Variants in PCDH15 observed in about 807,000 individuals in gnomAD.
PCDH15 encodes the protein protocadherin-15.
PCDH15 carries 129 observed loss-of-function variants against 178.5 expected under a neutral mutation model. The ratio of observed to expected loss-of-function variants is 0.72; its 90% confidence interval spans 0.63 to 0.84. PCDH15 has a LOEUF of 0.84. PCDH15 is among the 40% of genes least tolerant of loss of function. PCDH15 has a pLI of 0.00. For missense variants in PCDH15, 2,230 were observed against 2,099.9 expected (o/e 1.06, Z -1.21); for synonymous variants, 800 against 732.0 (o/e 1.09, Z -1.50).
At chr10:53,927,143 A>G (rs557293086) in intron 25 of PCDH15, among the ~76,000 whole-genome samples, 1 of 102,750 alleles carries the variant, frequency 9.7e-6, no homozygotes, top group South Asian at 4.3e-4. Context: ...TTTATATGTA[A>G]ATGCAAGTGT....
At chr10:55,456,511 G>C (rs1321562497) in intron 2 of PCDH15, among the ~76,000 whole-genome samples, 2 of 151,918 alleles carry the variant, frequency 1.3e-5, no homozygotes, top group Non-Finnish European at 2.9e-5. Flanking sequence ...CTGTGTTTGT[G>C]GTATAAAATG....
At chr10:54,066,121 A>AT (rs1282068232) in intron 18 of PCDH15, among the ~76,000 whole-genome samples, 7 of 152,090 alleles carry the variant, frequency 4.6e-5, no homozygotes, top group Non-Finnish European at 7.4e-5. Context: ...TCTTCCTCCA[A>AT]TTTTTTTCTT....
chr10:54,091,780 T>C (rs2094604365), intron 15 of PCDH15, among the ~76,000 whole-genome samples: 1 of 152,222 alleles, frequency 6.6e-6, no homozygotes, highest in South Asian at 2.1e-4. Context: ...TTCCTCATTT[T>C]CCTTTGCTGA....
At chr10:53,858,023 A>T (rs1039291302) in intron 27 of PCDH15, among the ~76,000 whole-genome samples, 4 of 151,084 alleles carry the variant, frequency 2.6e-5, no homozygotes, top group African/African-American at 7.4e-5. Flanking sequence ...AACAAAAAAA[A>T]TAAATTGAGG....
chr10:54,141,055 T>G (rs1173227483), intron 14 of PCDH15, among the ~76,000 whole-genome samples: 1 of 151,418 alleles, frequency 6.6e-6, no homozygotes, highest in Non-Finnish European at 1.5e-5. Flanking sequence ...CATACACATA[T>G]TTATATGTAT....
intron 8 of PCDH15, among the ~76,000 whole-genome samples, chr10:54,295,941 G>C (rs7078808): frequency 6.6e-6 from 1 of 151,066 alleles, no homozygotes; most frequent in African/African-American, 2.4e-5. Flanking sequence ...TCAGGAGATC[G>C]AGACCATCCC....
intron 26 of PCDH15, among the ~76,000 whole-genome samples, chr10:53,892,541 A>C (rs1033419367): frequency 1.3e-5 from 2 of 152,182 alleles, no homozygotes; most frequent in African/African-American, 4.8e-5. Context: ...AGGGGGAAGA[A>C]GAGTAAAACA....
chr10:55,171,217 A>C (rs1839323780), intron 1 of PCDH15, among the ~76,000 whole-genome samples: 2 of 152,238 alleles, frequency 1.3e-5, no homozygotes, highest in African/African-American at 4.8e-5. Context: ...TAAGGTCTGT[A>C]GTCATGTCAA....
At chr10:55,584,750 T>C (rs887520889) in intron 2 of PCDH15, among the ~76,000 whole-genome samples, 9 of 150,806 alleles carry the variant, frequency 6.0e-5, no homozygotes, top group Non-Finnish European at 4.4e-5. Context: ...GACACACATA[T>C]AGATAGATAT....
At position 53,872,927 on chromosome 10, in the gene PCDH15, G is replaced by A. The variant is rs543125307; in HGVS notation, c.3502-6070C>T. On this transcript the variant is annotated intron_variant, in intron 26 of 37. Coordinates refer to ENST00000644397, the MANE Select transcript of PCDH15 (RefSeq NM_001384140.1). ...CAAATCTCAGAGGAGCAGCTGACACGTATCTCTCACTGAAGGTACTTATGC... is the reference window on the plus strand; with the variant it reads ...CAAATCTCAGAGGAGCAGCTGACACATATCTCTCACTGAAGGTACTTATGC... Among the ~76,000 whole-genome samples, 92 of 152,230 alleles carry A rather than the reference G, an allele frequency of 6.0e-4. No homozygotes were observed. In the South Asian group the frequency reaches 6.4e-3, roughly 11 times the overall value.
At chr10:54,524,264 A>G (rs1421265197) in intron 3 of PCDH15, among the ~76,000 whole-genome samples, 1 of 152,308 alleles carries the variant, frequency 6.6e-6, no homozygotes, top group East Asian at 1.9e-4. Context: ...CTTTAAATTC[A>G]TGAAGCTCCT....
rs2076371827 is a variant in PCDH15 at position 53,822,672 on chromosome 10, G to C, written c.4368-2442C>G. The C allele has an allele frequency of 1.9e-6, 3 of 1,613,898 alleles. No homozygotes were observed. Among genetic ancestry groups the C allele is most frequent in the South Asian group, 2.2e-5 (2 of 91,082 alleles). Reference sequence around the variant, plus strand: ...AGGAGAACTGATGACATTAGGTTCTGATTTGAGTTCCACAGTTCTTGAAAC... The same window carrying C: ...AGGAGAACTGATGACATTAGGTTCTCATTTGAGTTCCACAGTTCTTGAAAC... On this transcript the variant is annotated intron_variant, in intron 32 of 37. Coordinates refer to ENST00000644397, the MANE Select transcript of PCDH15 (RefSeq NM_001384140.1).
intron 3 of PCDH15, among the ~76,000 whole-genome samples, chr10:54,490,985 C>G (rs1350288314): frequency 6.6e-6 from 1 of 152,120 alleles, no homozygotes; most frequent in Non-Finnish European, 1.5e-5. Flanking sequence ...TTAGCCCACC[C>G]TGGCCAGGGA....
At chr10:53,881,471 T>C (rs1327567642) in intron 26 of PCDH15, among the ~76,000 whole-genome samples, 5 of 152,154 alleles carry the variant, frequency 3.3e-5, no homozygotes, top group Non-Finnish European at 7.4e-5. Flanking sequence ...AAAATAATCA[T>C]TGATAAAATT....
chr10:55,175,313 T>C (rs1270548525), intron 1 of PCDH15, among the ~76,000 whole-genome samples: 1 of 152,178 alleles, frequency 6.6e-6, no homozygotes, highest in Non-Finnish European at 1.5e-5. Context: ...AGCATGCCAC[T>C]CTACCTCCTG....
intron 2 of PCDH15, among the ~76,000 whole-genome samples, chr10:55,080,560 A>G (rs1842013921): frequency 6.6e-6 from 1 of 152,028 alleles, no homozygotes; most frequent in East Asian, 1.9e-4. Context: ...AGTCCTGGGT[A>G]GTACATTATT....
At chr10:54,504,860 A>C (rs913302923) in intron 3 of PCDH15, among the ~76,000 whole-genome samples, 4 of 152,134 alleles carry the variant, frequency 2.6e-5, no homozygotes, top group Admixed American at 1.3e-4. Flanking sequence ...TGGATTGAGA[A>C]TATATCTAGA....
chr10:55,609,303 C>A (rs1843307662), intron 2 of PCDH15, among the ~76,000 whole-genome samples: 2 of 152,232 alleles, frequency 1.3e-5, no homozygotes, highest in East Asian at 3.9e-4. Flanking sequence ...AATTCAGAGG[C>A]AGCTCCAGCA....
chr10:53,994,193 T>C (rs572357404), intron 21 of PCDH15, among the ~76,000 whole-genome samples: 2 of 152,366 alleles, frequency 1.3e-5, no homozygotes, highest in South Asian at 2.1e-4. Flanking sequence ...CAGTCATTAC[T>C]ACCAAAGGGG....
Sources: gnomAD v4.1 joint callset for allele counts (sites outside exome capture counted in the v4.1 genomes callset) on GRCh38, gnomAD v4.1.1 for gene constraint, MANE v1.5 for transcripts, NCBI Gene and HGNC (gene_info 2026-07-23, HGNC 2026-07-21) for gene names.